Variants in MYH13 observed in about 807,000 individuals in gnomAD.
The protein encoded by MYH13 is myosin heavy chain 13, also known as myosin-13.
MYH13 carries 177 observed loss-of-function variants against 232.1 expected under a neutral mutation model. The observed-to-expected ratio is 0.76, with a 90% confidence interval of 0.67 to 0.86. MYH13 has a LOEUF of 0.86. MYH13 is among the 40% of genes least tolerant of loss of function. The pLI is 0.00. For missense variants in MYH13, 2,246 were observed against 2,405.9 expected (o/e 0.93, Z 1.39); for synonymous variants, 884 against 923.5 (o/e 0.96, Z 0.78).
chr17:10,348,431 G>A lies in MYH13; in HGVS notation c.1145-1633C>T, dbSNP rs897120198. ...TGTGCCTCAGTTTTGTCTGTAAAATGGGAGACAGTGACAATACTCATGTTA... is the reference window on the plus strand; with the variant it reads ...TGTGCCTCAGTTTTGTCTGTAAAATAGGAGACAGTGACAATACTCATGTTA... On this transcript the variant is annotated intron_variant, in intron 12 of 40. Transcript: ENST00000252172. Among the ~76,000 whole-genome samples the A allele has an allele frequency of 2.0e-4, 30 of 152,356 alleles. No individual in the cohort carries two copies. The South Asian group carries it at 5.0e-3, about 25-fold the overall frequency.
intron 8 of MYH13, among the ~76,000 whole-genome samples, chr17:10,357,167 G>T (rs950967530): frequency 6.6e-6 from 1 of 152,090 alleles, no homozygotes; most frequent in Non-Finnish European, 1.5e-5. Flanking sequence ...TCGTCATGCT[G>T]GTCAGGCTCG....
In MYH13 at chr17:10,354,684, G is replaced by A; in HGVS notation, c.1001C>T (p.Thr334Ile). ...ACAAATAAATGGCATGCTTACATCT[G>A]TCGCCAGCAGTTCTTCACTGTCATC... ...SIDDSEELLA[T>I]DNAIDILGFS... Residue 334 changes from threonine to isoleucine, a missense_variant, in exon 11 of 41, where the codon ACA becomes ATA. Thr to Ile is a moderately conservative substitution (Grantham distance 89, BLOSUM62 -1). Coordinates refer to ENST00000252172, the MANE Select transcript of MYH13 (RefSeq NM_003802.3). The A allele has an allele frequency of 1.2e-6, 2 of 1,612,472 alleles. No individual in the cohort carries two copies. The highest frequency in any genetic ancestry group is 1.7e-6 in the Non-Finnish European group (2 of 1,178,752).
In MYH13 at chr17:10,355,094, G is replaced by A. The variant is rs1233319624; in HGVS notation, c.792C>T (p.Asp264=). 8 of 1,598,224 alleles carry A rather than the reference G, an allele frequency of 5.0e-6. 1 individual carries two copies. The African/African-American group carries it at 9.4e-5, about 19-fold the overall frequency. ...AGTGTTTGGACTCACAAGTTTCGAT[G>A]TCTGCCGATGCCAGCTTTCCTGTGG... The part of the protein sequence containing the change: ...FGATGKLASA[D]IETYLLEKSR... Residue 264 remains aspartate, a synonymous_variant, in exon 9 of 41, where the codon GAC becomes GAT. Coordinates refer to ENST00000252172, the MANE Select transcript of MYH13 (RefSeq NM_003802.3).
In MYH13 at chr17:10,306,270, T is replaced by TGTGTGTGTGTGTGTG. The variant is rs1555548259; in HGVS notation, c.5466+188_5466+189insCACACACACACACAC. On this transcript the variant is annotated intron_variant, in intron 37 of 40. Coordinates refer to ENST00000252172, the MANE Select transcript of MYH13 (RefSeq NM_003802.3). This position sits in a 1 kb window ranked among gnomAD's most constrained non-coding sequence, Gnocchi z 4.3. ...TGTGTGTGTGTGTGTGTGTGTGTGT[T>TGTGTGTGTGTGTGTG]TTGGGGCATAGGAACAGGTGAAACA... Among the ~76,000 whole-genome samples, 1 of 79,858 alleles carries TGTGTGTGTGTGTGTG rather than the reference T, an allele frequency of 1.3e-5. No individual in the cohort carries two copies. The allele number at this position is 79,858 out of a possible 152,430, so 52.4% of individuals were successfully genotyped here. A position where few individuals can be genotyped will look rare whatever the true frequency, so the allele number is the denominator to read the frequency against.
At chr17:10,334,934 T>C (rs1425724659) in intron 18 of MYH13, among the ~76,000 whole-genome samples, 1 of 152,050 alleles carries the variant, frequency 6.6e-6, no homozygotes, top group East Asian at 1.9e-4. Context: ...GAACCGCCGA[T>C]GTGGAGAGAA....
chr17:10,331,816 C>T (rs527971610), intron 20 of MYH13, among the ~76,000 whole-genome samples: 1 of 152,182 alleles, frequency 6.6e-6, no homozygotes, highest in African/African-American at 2.4e-5. Flanking sequence ...GTTCTCCTCT[C>T]TCTTCAGCTC....
chr17:10,322,257 G>C (rs1000581876), intron 23 of MYH13, among the ~76,000 whole-genome samples: 7 of 151,780 alleles, frequency 4.6e-5, no homozygotes, highest in African/African-American at 7.3e-5. Context: ...AATTAGCCAG[G>C]CATGGTGGTG....
chr17:10,360,015 G>A lies in MYH13; in HGVS notation c.590C>T (p.Ala197Val). The A allele has an allele frequency of 6.2e-7, 1 of 1,614,070 alleles. No homozygotes were observed. Among genetic ancestry groups the A allele is most frequent in the Non-Finnish European group, 8.5e-7 (1 of 1,180,014 alleles). ...CTTGTCCCCGGTAACTGCAATTGTT[G>A]CAAAATACTGGATGACACGCTTGGT... ...VNTKRVIQYF[A>V]TIAVTGDKKK... Residue 197 changes from alanine to valine, a missense_variant, in exon 7 of 41, where the codon GCA becomes GTA. Physicochemically the swap from Ala to Val is moderately conservative, Grantham distance 64. Coordinates refer to ENST00000252172, the MANE Select transcript of MYH13 (RefSeq NM_003802.3).
At chr17:10,315,862 A>G in intron 28 of MYH13, 37 bp downstream of exon 28, 1 of 1,613,664 alleles carries the variant, frequency 6.2e-7, no homozygotes, top group Non-Finnish European at 8.5e-7. Context: ...ACCCTCTCCC[A>G]TGGCCCGGCT....
Position 10,340,400 on chromosome 17 carries a change from G to A in MYH13, c.1896C>T (p.Gly632=), listed in dbSNP as rs3760423. 0.82 allele frequency: 1,315,429 copies of A among 1,611,598 alleles called. 539,177 individuals carry two copies. The highest frequency in any genetic ancestry group is 0.93 in the East Asian group (41,763 of 44,884). ...LFSNYAGAET[G]DSGGSKKGGK... is the part of the protein sequence containing the mutation. ...CGCCCTTCTTGCTTCCTCCGGAGTC[G>A]CCTGGAGACAGACACAGAAGAGCGT... The change falls in exon 17 of 41, where the codon GGC becomes GGT. Residue 632 remains glycine, a splice_region_variant and synonymous_variant. Coordinates refer to ENST00000252172, the MANE Select transcript of MYH13 (RefSeq NM_003802.3).
intron 15 of MYH13, 39 bp downstream of exon 15, chr17:10,345,163 A>G: frequency 6.2e-7 from 1 of 1,613,812 alleles, no homozygotes; most frequent in Non-Finnish European, 8.5e-7. Context: ...GAGGGCCCCC[A>G]ATAAGGAGGA....
Position 10,300,869 on chromosome 17 carries a change from A to C in MYH13, c.*82T>G. The C allele has an allele frequency of 1.4e-6, 2 of 1,383,172 alleles. No homozygotes were observed. The highest frequency in any genetic ancestry group is 2.3e-5 in the East Asian group (1 of 43,548). 85.7% of individuals were successfully genotyped at this position (1,383,172 alleles called of 1,614,324 possible). On this transcript the variant is annotated 3_prime_UTR_variant, in exon 41 of 41. Transcript: ENST00000252172. ...TAAACACAGCAGAGCCGGGAATCCG[A>C]GTATTTAGGAGAATTTATTTCTCAC... is the stretch of plus-strand genomic sequence containing the variant.
intron 5 of MYH13, among the ~76,000 whole-genome samples, chr17:10,361,617 T>TGACA (rs2071794538): frequency 6.6e-6 from 1 of 152,170 alleles, no homozygotes; most frequent in Admixed American, 6.5e-5. Flanking sequence ...TAGCATCTGT[T>TGACA]CCAAGTCAAG....
intron 11 of MYH13, 87 bp downstream of exon 11, chr17:10,354,593 A>G: frequency 8.0e-7 from 1 of 1,242,840 alleles, no homozygotes. Context: ...CCTGGATTTC[A>G]GCTTTCCCAT....
In MYH13 at chr17:10,336,049, G is replaced by A. The variant is rs148558777; in HGVS notation, c.2057-2858C>T. On this transcript the variant is annotated intron_variant, in intron 18 of 40. Coordinates refer to ENST00000252172, the MANE Select transcript of MYH13 (RefSeq NM_003802.3). ...GGAGATCTTTTCTAATTCCCGCAGA[G>A]GCATCCTATGGGGTGGCGGGGCACT... Among the ~76,000 whole-genome samples, 52 of 152,248 alleles carry A rather than the reference G, an allele frequency of 3.4e-4. No individual in the cohort carries two copies. The East Asian group carries it at 9.1e-3, about 27-fold the overall frequency.
chr17:10,335,275 G>A (rs548493108), intron 18 of MYH13, among the ~76,000 whole-genome samples: 1 of 152,310 alleles, frequency 6.6e-6, no homozygotes, highest in South Asian at 2.1e-4. Flanking sequence ...AGACCCATAT[G>A]AAACAGATGA....
chr17:10,345,238 T>C lies in MYH13; in HGVS notation c.1548A>G (p.Gly516=), dbSNP rs1251246821. ...EGIEWEFIDF[G]MDLAACIELI... ...GCTCGATGCAGGCAGCCAGGTCCAT[T>C]CCGAAGTCAATGAACTCCCACTCGA... Residue 516 remains glycine, a synonymous_variant, in exon 15 of 41, where the codon GGA becomes GGG. Coordinates refer to ENST00000252172, the MANE Select transcript of MYH13 (RefSeq NM_003802.3). 4.3e-6 allele frequency: 7 copies of C among 1,614,128 alleles called. No homozygotes were observed. Among genetic ancestry groups the C allele is most frequent in the South Asian group, 2.2e-5 (2 of 91,074 alleles).
Position 10,304,299 on chromosome 17 carries a change from G to T in MYH13, c.5467-801C>A, listed in dbSNP as rs1430800843. 1.3e-5 allele frequency among the ~76,000 whole-genome samples: 2 copies of T among 152,248 alleles called. No individual in the cohort carries two copies. Among genetic ancestry groups the T allele is most frequent in the Non-Finnish European group, 2.9e-5 (2 of 68,038 alleles). Reference sequence around the variant, plus strand: ...CGATCCCCTAATGGGATTTTGCCAAGATGTCTCCTCCTAGGTCTTAGGAGC... The same window carrying T: ...CGATCCCCTAATGGGATTTTGCCAATATGTCTCCTCCTAGGTCTTAGGAGC... On this transcript the variant is annotated intron_variant, in intron 37 of 40. Coordinates refer to ENST00000252172, the MANE Select transcript of MYH13 (RefSeq NM_003802.3). The surrounding 1 kb of genome is among the most constrained non-coding windows in gnomAD (Gnocchi z 5.3).
chr17:10,357,289 T>C (rs998202078), intron 8 of MYH13, among the ~76,000 whole-genome samples: 6 of 152,210 alleles, frequency 3.9e-5, no homozygotes, highest in African/African-American at 1.4e-4. Flanking sequence ...CTCTTCTGCC[T>C]TCACTAGGTT....
Sources: gnomAD v4.1 joint callset for allele counts (sites outside exome capture counted in the v4.1 genomes callset) on GRCh38, gnomAD v4.1.1 for gene constraint, Gnocchi (gnomAD v3.1) non-coding constraint, MANE v1.5 for transcripts, NCBI Gene and HGNC (gene_info 2026-07-23, HGNC 2026-07-21) for gene names.